CHCHD3: variants seen among roughly 807,000 people sequenced by gnomAD.
The protein encoded by CHCHD3 is coiled-coil-helix-coiled-coil-helix domain containing 3.
In CHCHD3, 20 loss-of-function variants were observed where a neutral mutation model predicts 38.2. That is an observed-to-expected ratio of 0.52 (90% CI 0.37 to 0.76). CHCHD3 has a LOEUF of 0.76. CHCHD3 is among the 30% of genes least tolerant of loss of function. The pLI is 0.00. For missense variants in CHCHD3, 245 were observed against 279.2 expected, an observed-to-expected ratio of 0.88 and a Z score of 0.87; for synonymous variants, 82 against 100.0, an observed-to-expected ratio of 0.82 and a Z score of 1.07.
rs543060061 is a variant in CHCHD3, at chr7:132,879,174, C to T, written c.453+6488G>A. On this transcript the variant is annotated intron_variant, in intron 5 of 7. Coordinates refer to ENST00000262570, the MANE Select transcript of CHCHD3 (RefSeq NM_017812.4). Reference sequence around the variant, plus strand: ...AAATTAGTCTTCCATTTTTTACATACAGCACATAGAATAATATTTTAAGTG... The same window carrying T: ...AAATTAGTCTTCCATTTTTTACATATAGCACATAGAATAATATTTTAAGTG... 1.2e-3 allele frequency among the ~76,000 whole-genome samples: 184 copies of T among 152,262 alleles called. 1 individual carries two copies. The highest frequency in any genetic ancestry group is 4.2e-3 in the African/African-American group (174 of 41,542).
At chr7:132,831,422 T>C (rs147865484) in intron 6 of CHCHD3, among the ~76,000 whole-genome samples, 2 of 152,302 alleles carry the variant, frequency 1.3e-5, no homozygotes, top group African/African-American at 2.4e-5. Flanking sequence ...AAGTAGGTTA[T>C]AAGTAGACAT....
chr7:132,807,076 T>C (rs142862716), intron 6 of CHCHD3, among the ~76,000 whole-genome samples: 2 of 152,242 alleles, frequency 1.3e-5, no homozygotes, highest in Admixed American at 1.3e-4. Context: ...AGTGCTCTGA[T>C]AGCAAGAGGG....
At chr7:132,920,787 T>C (rs544184503) in intron 4 of CHCHD3, among the ~76,000 whole-genome samples, 4 of 152,168 alleles carry the variant, frequency 2.6e-5, no homozygotes, top group East Asian at 1.9e-4. Context: ...GTATTGTTTA[T>C]ATGCATCTGT....
chr7:132,816,781 A>C (rs1200254414), intron 6 of CHCHD3, among the ~76,000 whole-genome samples: 3 of 152,220 alleles, frequency 2.0e-5, no homozygotes, highest in African/African-American at 7.2e-5. Context: ...CCAGGGCCAT[A>C]TTCTGCTACC....
chr7:133,042,619 C>T (rs575247986), intron 2 of CHCHD3, among the ~76,000 whole-genome samples: 1 of 152,268 alleles, frequency 6.6e-6, no homozygotes, highest in East Asian at 1.9e-4. Context: ...CATTTTCATA[C>T]AATCACTCTC....
chr7:132,928,359 T>G (rs1810426739), intron 4 of CHCHD3, among the ~76,000 whole-genome samples: 1 of 152,158 alleles, frequency 6.6e-6, no homozygotes, highest in African/African-American at 2.4e-5. Flanking sequence ...ACAAGTGTCT[T>G]ATCTGACTGT....
chr7:132,859,207 C>T (rs1404602744), intron 5 of CHCHD3, among the ~76,000 whole-genome samples: 1 of 152,108 alleles, frequency 6.6e-6, no homozygotes, highest in Non-Finnish European at 1.5e-5. Flanking sequence ...CCTGAACCTA[C>T]AATGAGATAT....
rs1271227660 is a variant in CHCHD3 at position 132,883,859 on chromosome 7, C to A, written c.453+1803G>T. Among the ~76,000 whole-genome samples, 10 of 152,144 alleles carry A rather than the reference C, an allele frequency of 6.6e-5. No individual in the cohort carries two copies. In the East Asian group the frequency reaches 1.9e-3, roughly 29 times the overall value. ...AGCTTAACATATCCACAATCAAACTCCTGATTTCCTCCACCACCAACATCC... is the reference window on the plus strand; with the variant it reads ...AGCTTAACATATCCACAATCAAACTACTGATTTCCTCCACCACCAACATCC... On this transcript the variant is annotated intron_variant, in intron 5 of 7. Transcript: ENST00000262570.
intron 5 of CHCHD3, among the ~76,000 whole-genome samples, chr7:132,856,326 T>G (rs1251922759): frequency 6.6e-6 from 1 of 152,218 alleles, no homozygotes; most frequent in Non-Finnish European, 1.5e-5. Flanking sequence ...ACAAAAGTCT[T>G]TAAAGAACAG....
At chr7:133,021,860 G>A (rs919693590) in intron 3 of CHCHD3, among the ~76,000 whole-genome samples, 38 of 152,188 alleles carry the variant, frequency 2.5e-4, no homozygotes, top group African/African-American at 8.7e-4. Context: ...GCTAAGGCAG[G>A]TGGATCACAA....
At chr7:132,985,059 T>A (rs1488249693) in intron 3 of CHCHD3, among the ~76,000 whole-genome samples, 2 of 92,252 alleles carry the variant, frequency 2.2e-5, no homozygotes, top group African/African-American at 8.2e-5. Flanking sequence ...AGCCGCCCCG[T>A]CCGGAAGGGA....
chr7:132,975,243 T>G lies in CHCHD3; in HGVS notation c.295A>C (p.Asn99His). 2 of 1,613,086 alleles carry G rather than the reference T, an allele frequency of 1.2e-6. No homozygotes were observed. Among genetic ancestry groups the G allele is most frequent in the South Asian group, 1.1e-5 (1 of 91,018 alleles). ...KELDRERAAA[N>H]EQLTRAILRE... ...AGGATGGCTCTGGTTAACTGCTCATTGGCAGCAGCCCTCTCTCGGTCCAGC... is the reference window on the plus strand; with the variant it reads ...AGGATGGCTCTGGTTAACTGCTCATGGGCAGCAGCCCTCTCTCGGTCCAGC... Residue 99 changes from asparagine (N) to histidine (H), a missense_variant, in exon 4 of 8, where the codon AAT (asparagine) becomes CAT (histidine). Physicochemically the swap from Asn to His is moderately conservative, Grantham distance 68. Transcript: ENST00000262570.
At position 132,975,280 on chromosome 7, in the gene CHCHD3, C is replaced by T; in HGVS notation, c.258G>A (p.Lys86=). 2 of 1,612,256 alleles carry T rather than the reference C, an allele frequency of 1.2e-6. No individual in the cohort carries two copies. Among genetic ancestry groups the T allele is most frequent in the Non-Finnish European group, 8.5e-7 (1 of 1,179,316 alleles). The part of the protein sequence containing the change: ...KKESEDQKRL[K]QAKELDRERA... Reference sequence around the variant, plus strand: ...TCTCTCGGTCCAGCTCTTTGGCTTGCTTTAGTCTAAAATGACAAGAATTGT... The same window carrying T: ...TCTCTCGGTCCAGCTCTTTGGCTTGTTTTAGTCTAAAATGACAAGAATTGT... Residue 86 remains lysine (K), a synonymous_variant, in exon 4 of 8, where the codon AAG becomes AAA. Coordinates refer to ENST00000262570, the MANE Select transcript of CHCHD3 (RefSeq NM_017812.4).
At chr7:132,883,447 T>A (rs989468304) in intron 5 of CHCHD3, among the ~76,000 whole-genome samples, 3 of 152,202 alleles carry the variant, frequency 2.0e-5, no homozygotes, top group Non-Finnish European at 4.4e-5. Flanking sequence ...ATCCAAGGCA[T>A]CTGACATCAG....
chr7:132,815,367 A>G (rs1807172779), intron 6 of CHCHD3: 1 of 319,908 alleles, frequency 3.1e-6, no homozygotes, highest in Non-Finnish European at 6.1e-6. Flanking sequence ...TATATTACAA[A>G]TGCTAAGCAA....
In CHCHD3 at chr7:132,935,317, C is replaced by T. The variant is rs375462615; in HGVS notation, c.369+39852G>A. Among the ~76,000 whole-genome samples the T allele has an allele frequency of 5.3e-5, 8 of 152,328 alleles. No individual in the cohort carries two copies. In the East Asian group the frequency reaches 1.2e-3, roughly 22 times the overall value. On this transcript the variant is annotated intron_variant, in intron 4 of 7. Coordinates refer to ENST00000262570, the MANE Select transcript of CHCHD3 (RefSeq NM_017812.4). ...CCAGCACTGACTCTCAGTGATTTTT[C>T]AGACTGGAGGTTGCTACCTACTATT...
rs556741450 is a variant in CHCHD3 at position 133,044,927 on chromosome 7, T to A, written c.170-20300A>T. On this transcript the variant is annotated intron_variant, in intron 2 of 7. Transcript: ENST00000262570. ...GTCCTGCAGCTCTGATCCAGGATGC[T>A]GGCCTGGGGAAAGCAACGCACATAC... 3.9e-5 allele frequency among the ~76,000 whole-genome samples: 6 copies of A among 152,334 alleles called. No homozygotes were observed. The East Asian group carries it at 7.7e-4, about 20-fold the overall frequency.
intron 6 of CHCHD3, chr7:132,813,373 C>G (rs1043782464): frequency 6.6e-6 from 1 of 152,210 alleles, no homozygotes; most frequent in Non-Finnish European, 1.5e-5. Flanking sequence ...GTTAAAAACA[C>G]AGGATCTAGC....
intron 3 of CHCHD3, among the ~76,000 whole-genome samples, chr7:133,004,653 A>G (rs891542008): frequency 6.6e-6 from 1 of 152,242 alleles, no homozygotes; most frequent in Non-Finnish European, 1.5e-5. Context: ...TGAAACAATT[A>G]AGTAGCAGAT....
Sources: allele counts gnomAD v4.1 joint callset (sites outside exome capture counted in the v4.1 genomes callset), GRCh38; gene constraint gnomAD v4.1.1; transcripts MANE v1.5; gene names NCBI Gene and HGNC (gene_info 2026-07-23, HGNC 2026-07-21).